MME: variants seen among roughly 807,000 people sequenced by gnomAD.
MME encodes neprilysin.
In MME, 98 loss-of-function variants were observed where a neutral mutation model predicts 113.2. That is an observed-to-expected ratio of 0.87 (90% confidence interval 0.74 to 1.02). MME has a LOEUF of 1.02. Ranked by LOEUF, MME falls within the 50% of genes least tolerant of loss-of-function variation. The pLI, the probability that MME is intolerant of heterozygous loss-of-function variation, is 0.00. For synonymous variants in MME, 292 were observed against 300.6 expected, an observed-to-expected ratio of 0.97 and a Z score of 0.30; for missense variants, 836 against 896.0, an observed-to-expected ratio of 0.93 and a Z score of 0.86.
chr3:155,099,285 C>T (rs1383315998), intron 3 of MME, among the ~76,000 whole-genome samples: 2 of 152,112 alleles, frequency 1.3e-5, no homozygotes, highest in Non-Finnish European at 2.9e-5. Context: ...TTCATTTTTA[C>T]TCATTTTTAT....
At chr3:155,116,432 C>A in intron 4 of MME, 47 bp from the exon 5 acceptor site, 3 of 1,323,610 alleles carry the variant, frequency 2.3e-6, no homozygotes, top group Non-Finnish European at 3.3e-6. Context: ...TTGCATAGTG[C>A]AAATGAGCAA....
intron 16 of MME, among the ~76,000 whole-genome samples, chr3:155,151,246 C>T (rs1313591556): frequency 1.3e-5 from 2 of 152,174 alleles, no homozygotes; most frequent in East Asian, 1.9e-4. Flanking sequence ...TCAAGATCCT[C>T]ACTCCCAAAG....
intron 8 of MME, among the ~76,000 whole-genome samples, chr3:155,131,603 C>T (rs1720151698): frequency 6.6e-6 from 1 of 152,112 alleles, no homozygotes; most frequent in African/African-American, 2.4e-5. Flanking sequence ...TGGAATAAAC[C>T]TTGGAAGTTA....
intron 8 of MME, among the ~76,000 whole-genome samples, chr3:155,126,773 G>T (rs895447667): frequency 6.6e-6 from 1 of 152,002 alleles, no homozygotes; most frequent in East Asian, 1.9e-4. Context: ...GCCAAGGCGG[G>T]TGGATCACCT....
At chr3:155,105,800 T>C (rs560259427) in intron 3 of MME, among the ~76,000 whole-genome samples, 2 of 152,356 alleles carry the variant, frequency 1.3e-5, no homozygotes, top group African/African-American at 4.8e-5. Flanking sequence ...ATCATGAAGT[T>C]GGCACTTGGC....
chr3:155,143,063 CTAAAACCT>C (rs1335578803), intron 12 of MME, among the ~76,000 whole-genome samples: 3 of 152,118 alleles, frequency 2.0e-5, no homozygotes, highest in African/African-American at 7.2e-5. Context: ...CAGAGTTCAG[CTAAAACCT>C]TGAAAAGCAG....
Position 155,049,343 on chromosome 3 carries a change from T to G in MME, c.-11+25019T>G, listed in dbSNP as rs569314360. Among the ~76,000 whole-genome samples the G allele has an allele frequency of 2.0e-5, 3 of 151,918 alleles. No homozygotes were observed. The East Asian group carries it at 5.8e-4, about 29-fold the overall frequency. ...CAGAAATACCTAGAGAACAAAGCCA[T>G]GTAAAGATCAATGTACAGACTGGAG... is the stretch of plus-strand genomic sequence containing the variant. On this transcript the variant is annotated intron_variant, in intron 1 of 22. Transcript: ENST00000492661.
intron 3 of MME, among the ~76,000 whole-genome samples, chr3:155,091,173 G>A (rs797007165): frequency 2.0e-5 from 3 of 152,158 alleles, no homozygotes; most frequent in South Asian, 4.1e-4. Flanking sequence ...ATTTAAATGT[G>A]GCATGTGGCA....
Position 155,030,848 on chromosome 3 carries a change from A to G in MME, c.-11+6524A>G, listed in dbSNP as rs16824522. Reference sequence around the variant, plus strand: ...AAGGTCCAAAAGCCTTGTATGCCCCACAGATGGAGAGACCGGATGTGAAAA... The same window carrying G: ...AAGGTCCAAAAGCCTTGTATGCCCCGCAGATGGAGAGACCGGATGTGAAAA... On this transcript the variant is annotated intron_variant, in intron 1 of 22. Coordinates refer to the MME transcript ENST00000492661. Among the ~76,000 whole-genome samples the G allele has an allele frequency of 1.9e-3, 292 of 152,358 alleles. 1 individual carries two copies. The highest frequency in any genetic ancestry group is 6.9e-3 in the African/African-American group (288 of 41,586).
intron 1 of MME, among the ~76,000 whole-genome samples, chr3:155,056,370 T>C (rs1392753995): frequency 6.9e-6 from 1 of 145,774 alleles, no homozygotes; most frequent in Non-Finnish European, 1.5e-5. Context: ...GATGTTCCCC[T>C]TCCTGTGTCC....
chr3:155,158,916 G>A (rs1722509495), intron 16 of MME: 1 of 151,924 alleles, frequency 6.6e-6, no homozygotes, highest in Admixed American at 6.6e-5. Flanking sequence ...TAAAACAACA[G>A]CAGTAACAAA....
intron 3 of MME, among the ~76,000 whole-genome samples, chr3:155,105,874 G>C (rs1268843215): frequency 1.3e-5 from 2 of 152,094 alleles, no homozygotes; most frequent in African/African-American, 4.8e-5. Flanking sequence ...AGCGTCTTTG[G>C]CTAAACCTAA....
At chr3:155,158,383 C>T (rs1722460975) in intron 16 of MME, 1 of 152,006 alleles carries the variant, frequency 6.6e-6, no homozygotes, top group Non-Finnish European at 1.5e-5. Context: ...AGCTGTTTAC[C>T]TAAAAAATTT....
At chr3:155,150,548 C>G (rs2108329688) in intron 16 of MME, among the ~76,000 whole-genome samples, 1 of 152,212 alleles carries the variant, frequency 6.6e-6, no homozygotes, top group East Asian at 1.9e-4. Flanking sequence ...TATAGTCTGC[C>G]TGTATACCAG....
At chr3:155,125,000 A>G (rs375680211) in intron 8 of MME, among the ~76,000 whole-genome samples, 250 of 152,036 alleles carry the variant, frequency 1.6e-3, no homozygotes, top group Middle Eastern at 3.4e-3. Context: ...GGGCAATGGC[A>G]GGCGCCCCTC....
intron 1 of MME, among the ~76,000 whole-genome samples, chr3:155,055,753 C>G (rs768972847): frequency 1.4e-4 from 22 of 152,030 alleles, no homozygotes; most frequent in Admixed American, 3.9e-4. Context: ...AGGCACTAGC[C>G]GTGTTCTGTT....
At chr3:155,031,281 A>T (rs1712961344) in intron 1 of MME, among the ~76,000 whole-genome samples, 1 of 152,130 alleles carries the variant, frequency 6.6e-6, no homozygotes, top group African/African-American at 2.4e-5. Flanking sequence ...TCTGTATTTT[A>T]TAATTTCAGT....
chr3:155,056,299 G>A (rs1279335661), intron 1 of MME, among the ~76,000 whole-genome samples: 2 of 150,720 alleles, frequency 1.3e-5, no homozygotes, highest in African/African-American at 4.9e-5. Flanking sequence ...TTTAGCATTA[G>A]GTATATCTCC....
intron 3 of MME, chr3:155,112,507 G>A (rs758779101): frequency 3.3e-5 from 5 of 152,146 alleles, no homozygotes; most frequent in Admixed American, 2.0e-4. Flanking sequence ...ATGGAATCTG[G>A]ATTTTATTAT....
Sources: gnomAD v4.1 joint callset for allele counts (sites outside exome capture counted in the v4.1 genomes callset) on GRCh38, gnomAD v4.1.1 for gene constraint, MANE v1.5 for transcripts, NCBI Gene and HGNC (gene_info 2026-07-23, HGNC 2026-07-21) for gene names.